The following PPP1R36 variants were observed in gnomAD, a reference collection of about 807,000 sequenced individuals.
The protein encoded by PPP1R36 is protein phosphatase 1 regulatory subunit 36.
Under a neutral mutation model 53.4 loss-of-function variants are expected in PPP1R36, and 47 were observed. The ratio of observed to expected loss-of-function variants is 0.88; its 90% CI spans 0.70 to 1.12. PPP1R36 has a LOEUF of 1.12. PPP1R36 is among the 50% of genes most tolerant of loss of function. PPP1R36 has a pLI of 0.00. For synonymous variants in PPP1R36, 153 were observed against 170.5 expected (o/e 0.90, Z 0.80); for missense variants, 456 against 513.9 (o/e 0.89, Z 1.09).
In PPP1R36 at chr14:64,577,423, C is replaced by T. The variant is rs187075616; in HGVS notation, c.668+2834C>T. 2.0e-4 allele frequency among the ~76,000 whole-genome samples: 30 copies of T among 152,284 alleles called. No individual in the cohort carries two copies. In the East Asian group the frequency reaches 2.7e-3, roughly 14 times the overall value. On this transcript the variant is annotated intron_variant, in intron 8 of 11. Coordinates refer to ENST00000298705, the MANE Select transcript of PPP1R36 (RefSeq NM_172365.3). ...GTTGCGGGACTTCTCTGACTGACAGCGTCAGCTTGAGGACTCCCCTTTGGC... is the reference window on the plus strand; with the variant it reads ...GTTGCGGGACTTCTCTGACTGACAGTGTCAGCTTGAGGACTCCCCTTTGGC...
Position 64,584,099 on chromosome 14 carries a change from G to A in PPP1R36, c.669-2738G>A, listed in dbSNP as rs548671877. Among the ~76,000 whole-genome samples the A allele has an allele frequency of 7.5e-4, 114 of 151,980 alleles. 1 individual carries two copies. The highest frequency in any genetic ancestry group is 5.9e-4 in the Admixed American group (9 of 15,264). On this transcript the variant is annotated intron_variant, in intron 8 of 11. Transcript: ENST00000298705. ...GTATTTTTAGTAGAGATGGTGTTTC[G>A]CCATGTTGGCCAGGCTGGTCTTGAA...
intron 8 of PPP1R36, among the ~76,000 whole-genome samples, chr14:64,579,228 A>G (rs553458398): frequency 2.6e-5 from 4 of 152,344 alleles, no homozygotes; most frequent in Admixed American, 1.3e-4. Context: ...GTGTTTATCT[A>G]TTTAACAAAC....
At chr14:64,571,840 C>G (rs1016907692) in intron 7 of PPP1R36, among the ~76,000 whole-genome samples, 17 of 152,172 alleles carry the variant, frequency 1.1e-4, no homozygotes, top group Non-Finnish European at 8.8e-5. Flanking sequence ...GCATGTCTTA[C>G]ATGGTGGCAG....
chr14:64,552,797 T>C lies in PPP1R36; in HGVS notation c.135-17T>C, dbSNP rs753986428. On this transcript the variant is annotated splice_polypyrimidine_tract_variant and intron_variant, in intron 2 of 11. Coordinates refer to ENST00000298705, the MANE Select transcript of PPP1R36 (RefSeq NM_172365.3). ...AACCCGTCACTTCAAAGCAGTAATTTCAGTTTTCTTTCTCAGGTTTGCCGC... is the reference window on the plus strand; with the variant it reads ...AACCCGTCACTTCAAAGCAGTAATTCCAGTTTTCTTTCTCAGGTTTGCCGC... 2 of 1,611,924 alleles carry C rather than the reference T, an allele frequency of 1.2e-6. No homozygotes were observed. The highest frequency in any genetic ancestry group is 3.3e-5 in the Admixed American group (2 of 60,010).
At chr14:64,571,675 G>T (rs2080304598) in intron 7 of PPP1R36, among the ~76,000 whole-genome samples, 1 of 152,088 alleles carries the variant, frequency 6.6e-6, no homozygotes, top group Non-Finnish European at 1.5e-5. Flanking sequence ...CCGTATTGCT[G>T]CTCCCTTTAT....
In PPP1R36 at chr14:64,551,808, T is replaced by C. The variant is rs1180548977; in HGVS notation, c.134+823T>C. On this transcript the variant is annotated intron_variant, in intron 2 of 11. Coordinates refer to ENST00000298705, the MANE Select transcript of PPP1R36 (RefSeq NM_172365.3). ...TCAGTGGCAGGAACTATCTTATTCA[T>C]CCTCAGGTCTCTGGAGCCAGCTACA... 1.1e-5 allele frequency: 4 copies of C among 354,970 alleles called. No homozygotes were observed. The East Asian group carries it at 2.9e-4, about 26-fold the overall frequency. The allele number at this position is 354,970 out of a possible 1,614,324, so 22.0% of individuals were successfully genotyped here.
chr14:64,563,114 C>A (rs2080218647), intron 3 of PPP1R36, among the ~76,000 whole-genome samples: 1 of 152,162 alleles, frequency 6.6e-6, no homozygotes. Flanking sequence ...GATCTGCCTA[C>A]CTCGGCCTCC....
intron 7 of PPP1R36, among the ~76,000 whole-genome samples, chr14:64,570,860 AT>A (rs1289950654): frequency 6.6e-6 from 1 of 152,346 alleles, no homozygotes; most frequent in East Asian, 1.9e-4. Flanking sequence ...CCTTATCCCT[AT>A]TTTACAGATG....
rs142504183 is a variant in PPP1R36 at position 64,568,390 on chromosome 14, A to C, written c.476A>C (p.Tyr159Ser). 3.2e-5 allele frequency: 51 copies of C among 1,569,440 alleles called. No individual in the cohort carries two copies. In the African/African-American group the frequency reaches 6.5e-4, roughly 20 times the overall value. ...LDNFLMALLY[Y>S]LSHYLEKNSL... is the part of the protein sequence containing the mutation. Reference sequence around the variant, plus strand: ...AATTTCCTCATGGCATTATTGTACTACTTATCCCATTACTTGGAAAAAAAC... The same window carrying C: ...AATTTCCTCATGGCATTATTGTACTCCTTATCCCATTACTTGGAAAAAAAC... Residue 159 changes from tyrosine (Y) to serine (S), a missense_variant, in exon 7 of 12, where the codon TAC (tyrosine) becomes TCC (serine). Tyr to Ser is a moderately radical substitution (Grantham distance 144). Coordinates refer to ENST00000298705, the MANE Select transcript of PPP1R36 (RefSeq NM_172365.3).
At chr14:64,566,051 C>T (rs2080251857) in intron 6 of PPP1R36, among the ~76,000 whole-genome samples, 1 of 152,152 alleles carries the variant, frequency 6.6e-6, no homozygotes, top group Admixed American at 6.5e-5. Flanking sequence ...AGGTGGATCA[C>T]AAGGTCAGGA....
At chr14:64,581,037 A>G (rs2080384783) in intron 8 of PPP1R36, among the ~76,000 whole-genome samples, 1 of 152,214 alleles carries the variant, frequency 6.6e-6, no homozygotes, top group African/African-American at 2.4e-5. Context: ...GGCAGCTCTC[A>G]CTTAAGACCT....
intron 7 of PPP1R36, among the ~76,000 whole-genome samples, chr14:64,573,817 G>T (rs916665665): frequency 6.8e-6 from 1 of 146,108 alleles, no homozygotes; most frequent in Non-Finnish European, 1.5e-5. Context: ...GGAGGCTGAG[G>T]CAGGAGAATT....
Position 64,588,131 on chromosome 14 carries a change from TA to T in PPP1R36, c.924del (p.Ala309LeufsTer31). The T allele has an allele frequency of 6.2e-7, 1 of 1,605,532 alleles. No individual in the cohort carries two copies. The highest frequency in any genetic ancestry group is 8.5e-7 in the Non-Finnish European group (1 of 1,174,504). On this transcript the variant is annotated frameshift_variant, in exon 11 of 12. Coordinates refer to ENST00000298705, the MANE Select transcript of PPP1R36 (RefSeq NM_172365.3). LOFTEE classifies it high-confidence loss of function. Reference sequence around the variant, plus strand: ...GAATGATGGCAAAACGCCCAGCAATTAAAAAAGCTATCAACATGCGTTCTCC... The same window carrying T: ...GAATGATGGCAAAACGCCCAGCAATTAAAAAGCTATCAACATGCGTTCTCC... ...RRMMAKRPAI[K>X]KAINMRSPVM...
chr14:64,568,849 TG>T (rs1445160308), intron 7 of PPP1R36, among the ~76,000 whole-genome samples: 1 of 152,198 alleles, frequency 6.6e-6, no homozygotes, highest in Non-Finnish European at 1.5e-5. Context: ...GTTACTTTTT[TG>T]TAGTAAGTCT....
chr14:64,557,304 A>C (rs1476254036), intron 3 of PPP1R36, among the ~76,000 whole-genome samples: 2 of 152,186 alleles, frequency 1.3e-5, no homozygotes, highest in Non-Finnish European at 2.9e-5. Context: ...CCCAGGCATC[A>C]TATCATCTGT....
At position 64,569,773 on chromosome 14, in the gene PPP1R36, C is replaced by G. The variant is rs575866355; in HGVS notation, c.533+1326C>G. ...TTTTTTTTTGAGTTGGAGTCTGGCT[C>G]TGTCACCCAGGCTGGGGTGCAGTGG... is the stretch of plus-strand genomic sequence containing the variant. On this transcript the variant is annotated intron_variant, in intron 7 of 11. Coordinates refer to ENST00000298705, the MANE Select transcript of PPP1R36 (RefSeq NM_172365.3). Among the ~76,000 whole-genome samples, 11 of 149,094 alleles carry G rather than the reference C, an allele frequency of 7.4e-5. No homozygotes were observed. In the East Asian group the frequency reaches 2.0e-3, roughly 27 times the overall value.
chr14:64,550,285 A>T, intron 1 of PPP1R36: 1 of 1,362,004 alleles, frequency 7.3e-7, no homozygotes. Flanking sequence ...CTCCCTGCGC[A>T]GGTAGTTAGA....
intron 3 of PPP1R36, among the ~76,000 whole-genome samples, chr14:64,556,766 G>T (rs796376027): frequency 7.4e-6 from 1 of 135,880 alleles, no homozygotes; most frequent in African/African-American, 2.8e-5. Context: ...CAAAAAATGT[G>T]TGTGTGTGTG....
chr14:64,554,699 C>G (rs955927745), intron 3 of PPP1R36, among the ~76,000 whole-genome samples: 5 of 152,060 alleles, frequency 3.3e-5, no homozygotes, highest in African/African-American at 1.2e-4. Context: ...AGTGACTGCT[C>G]TCATACCTAG....
Sources: allele counts gnomAD v4.1 joint callset (sites outside exome capture counted in the v4.1 genomes callset), GRCh38; gene constraint gnomAD v4.1.1; transcripts MANE v1.5; gene names NCBI Gene and HGNC (gene_info 2026-07-23, HGNC 2026-07-21).